DDX21: variants seen among roughly 807,000 people sequenced by gnomAD.
The protein encoded by DDX21 is nucleolar RNA helicase 2.
DDX21 carries 18 observed loss-of-function variants against 90.0 expected under a neutral mutation model. The observed-to-expected ratio is 0.20, with a 90% CI of 0.14 to 0.30. DDX21 has a LOEUF of 0.30. Ranked by LOEUF, DDX21 falls within the 10% of genes least tolerant of loss-of-function variation. DDX21 has a pLI of 1.00. For missense variants in DDX21, 673 were observed against 944.5 expected, an observed-to-expected ratio of 0.71 and a Z score of 3.77; for synonymous variants, 294 against 318.0, an observed-to-expected ratio of 0.92 and a Z score of 0.80.
chr10:68,972,014 C>T lies in DDX21; in HGVS notation c.1510C>T (p.Pro504Ser). The change falls in exon 9 of 15, where the codon CCT (proline) becomes TCT (serine). Residue 504 changes from proline to serine, a missense_variant. Physicochemically the swap from Pro to Ser is moderately conservative, Grantham distance 74. Transcript: ENST00000354185. ...TNVAARGLDI[P>S]EVDLVIQSSP... ...TGTTGCTGCACGTGGGTTAGACATC[C>T]CTGAGGTTGATTTGGTTATACAAAG... is the stretch of plus-strand genomic sequence containing the variant. 6.2e-7 allele frequency: 1 copy of T among 1,614,038 alleles called. No individual in the cohort carries two copies. The highest frequency in any genetic ancestry group is 8.5e-7 in the Non-Finnish European group (1 of 1,179,996).
At position 68,982,823 on chromosome 10, in the gene DDX21, A is replaced by G. The variant is rs1843213640; in HGVS notation, c.*11A>G. On this transcript the variant is annotated 3_prime_UTR_variant, in exon 15 of 15. Coordinates refer to ENST00000354185, the MANE Select transcript of DDX21 (RefSeq NM_004728.4). ...GCATTTGGTCAATAATTAGAAATAG[A>G]AGATTTATATAGCAAAAAGAGAATG... 1 of 1,613,208 alleles carries G rather than the reference A, an allele frequency of 6.2e-7. No individual in the cohort carries two copies. Among genetic ancestry groups the G allele is most frequent in the Non-Finnish European group, 8.5e-7 (1 of 1,179,606 alleles).
At chr10:68,973,696 T>A (rs756983425) in intron 10 of DDX21, 32 bp downstream of exon 10, 1 of 1,600,708 alleles carries the variant, frequency 6.2e-7, no homozygotes, top group Admixed American at 1.7e-5. Flanking sequence ...ATTAAGCAAA[T>A]GTTGAGTTCT....
intron 11 of DDX21, among the ~76,000 whole-genome samples, chr10:68,976,412 C>T (rs1008209904): frequency 1.3e-5 from 2 of 151,720 alleles, no homozygotes; most frequent in East Asian, 2.0e-4. Context: ...CTCAGCCTTC[C>T]GAGTAGCTGG....
chr10:68,983,794 T>C lies in DDX21; in HGVS notation c.*982T>C, dbSNP rs1843230253. The C allele has an allele frequency of 2.0e-5, 3 of 150,658 alleles. No individual in the cohort carries two copies. The South Asian group carries it at 6.3e-4, about 32-fold the overall frequency. 9.3% of individuals were successfully genotyped at this position (150,658 alleles called of 1,614,324 possible). ...ACTGGAAAGCAAAGAGAAGAACAAG[T>C]ATGATTTGGATGATAAAGCATTGTT... is the stretch of plus-strand genomic sequence containing the variant. On this transcript the variant is annotated 3_prime_UTR_variant, in exon 15 of 15. Transcript: ENST00000354185.
chr10:68,982,511 A>G (rs1390453322), intron 14 of DDX21, 32 bp from the exon 15 acceptor site: 2 of 1,578,700 alleles, frequency 1.3e-6, no homozygotes, highest in South Asian at 2.3e-5. Context: ...ATACTAATTA[A>G]AGCACACAAA....
chr10:68,978,693 C>T (rs181517124), intron 12 of DDX21, 149 bp from the exon 13 acceptor site: 5 of 1,006,106 alleles, frequency 5.0e-6, no homozygotes, highest in Admixed American at 3.0e-5. Context: ...CCAAGTAAAA[C>T]GAGGGACTGT....
intron 2 of DDX21, among the ~76,000 whole-genome samples, 191 bp from the exon 3 acceptor site, chr10:68,961,891 A>C (rs1842876432): frequency 6.6e-6 from 1 of 152,160 alleles, no homozygotes; most frequent in Admixed American, 6.5e-5. Flanking sequence ...AGTTTTATAG[A>C]TTTATGACAA....
rs776373179 is a variant in DDX21 at position 68,960,119 on chromosome 10, A to G, written c.401A>G (p.Lys134Arg). The change falls in exon 2 of 15, where the codon AAG (lysine) becomes AGG (arginine). Residue 134 changes from lysine to arginine, a missense_variant. Transcript: ENST00000354185. ...GATGCTCCTAAGCCCAAGAAGATGA[A>G]GAAAGAAAAGGAAATGAATGGAGAA... ...EIDAPKPKKM[K>R]KEKEMNGETR... 1.2e-5 allele frequency: 19 copies of G among 1,614,030 alleles called. No homozygotes were observed. The highest frequency in any genetic ancestry group is 1.3e-5 in the Non-Finnish European group (15 of 1,180,028).
rs764283234 is a variant in DDX21, at chr10:68,982,644, G to A, written c.2184G>A (p.Arg728=). 1.2e-6 allele frequency: 2 copies of A among 1,613,266 alleles called. No individual in the cohort carries two copies. Among genetic ancestry groups the A allele is most frequent in the South Asian group, 2.2e-5 (2 of 91,060 alleles). ...GATATGGAGGCTTCAGGGGACAGCGGGAAGGCAGTCGAGGCTTCAGGGGAC... is the reference window on the plus strand; with the variant it reads ...GATATGGAGGCTTCAGGGGACAGCGAGAAGGCAGTCGAGGCTTCAGGGGAC... ...REGYGGFRGQ[R]EGSRGFRGQR... is the part of the protein sequence containing the mutation. The change falls in exon 15 of 15, where the codon CGG becomes CGA. Residue 728 remains arginine (R), a synonymous_variant. Coordinates refer to ENST00000354185, the MANE Select transcript of DDX21 (RefSeq NM_004728.4).
intron 5 of DDX21, 39 bp downstream of exon 5, chr10:68,965,533 C>CCT: frequency 7.2e-7 from 1 of 1,396,240 alleles, no homozygotes; most frequent in Non-Finnish European, 1.0e-6. Flanking sequence ...ATAATGCCAC[C>CCT]CATTGTTGAC....
At chr10:68,957,209 C>G (rs77902788) in intron 1 of DDX21, among the ~76,000 whole-genome samples, 32 of 152,126 alleles carry the variant, frequency 2.1e-4, no homozygotes, top group Middle Eastern at 3.4e-3. Context: ...TCAGTTATTA[C>G]GAAAATCTGT....
rs190079101 is a variant in DDX21 at position 68,979,339 on chromosome 10, A to G, written c.2037+363A>G. 1.8e-3 allele frequency among the ~76,000 whole-genome samples: 276 copies of G among 152,280 alleles called. 3 individuals are homozygous for G. Among genetic ancestry groups the G allele is most frequent in the African/African-American group, 6.2e-3 (256 of 41,562 alleles). On this transcript the variant is annotated intron_variant, in intron 13 of 14. Coordinates refer to ENST00000354185, the MANE Select transcript of DDX21 (RefSeq NM_004728.4). ...TAAAAATGAAAAAATTTGCCTCCCA[A>G]ACCTGGTGTTCTTTCTTCTGAGGCC...
At position 68,983,004 on chromosome 10, in the gene DDX21, G is replaced by T; in HGVS notation, c.*192G>T. Reference sequence around the variant, plus strand: ...GATCATTATCATTTATAACTTTATTGTTACTTCTTCATCAGTTTTTCCTTT... The same window carrying T: ...GATCATTATCATTTATAACTTTATTTTTACTTCTTCATCAGTTTTTCCTTT... On this transcript the variant is annotated 3_prime_UTR_variant, in exon 15 of 15. Coordinates refer to ENST00000354185, the MANE Select transcript of DDX21 (RefSeq NM_004728.4). 1 of 696,388 alleles carries T rather than the reference G, an allele frequency of 1.4e-6. No individual in the cohort carries two copies. The highest frequency in any genetic ancestry group is 2.2e-6 in the Non-Finnish European group (1 of 453,442). 43.1% of individuals were successfully genotyped at this position (696,388 alleles called of 1,614,324 possible).
At chr10:68,970,818 A>G (rs977410878) in intron 8 of DDX21, among the ~76,000 whole-genome samples, 2 of 151,736 alleles carry the variant, frequency 1.3e-5, no homozygotes, top group Non-Finnish European at 2.9e-5. Flanking sequence ...ATGCCCAGCT[A>G]ATTTTTGTAT....
In DDX21 at chr10:68,974,683, A is replaced by G. The variant is rs1843070630; in HGVS notation, c.1682A>G (p.Lys561Arg). 6.2e-7 allele frequency: 1 copy of G among 1,613,918 alleles called. No homozygotes were observed. The highest frequency in any genetic ancestry group is 1.3e-5 in the African/African-American group (1 of 74,930). The change falls in exon 11 of 15, where the codon AAA (lysine) becomes AGA (arginine). Residue 561 changes from lysine to arginine, a missense_variant. Coordinates refer to ENST00000354185, the MANE Select transcript of DDX21 (RefSeq NM_004728.4). ...ATTTTCCTGTAGGGAATTAAGTTCA[A>G]ACGAATAGGTGTTCCTTCTGCAACA... is the stretch of plus-strand genomic sequence containing the variant. ...QVEQKAGIKF[K>R]RIGVPSATEI... is the part of the protein sequence containing the mutation.
rs578199269 is a variant in DDX21 at position 68,965,673 on chromosome 10, C to T, written c.904+179C>T. 2.6e-5 allele frequency among the ~76,000 whole-genome samples: 4 copies of T among 152,252 alleles called. No individual in the cohort carries two copies. In the East Asian group the frequency reaches 7.7e-4, roughly 29 times the overall value. ...GGTCCTGCTTGATGATAGGCAAATC[C>T]TGTATATCGTTCTTAGGACTTTTAT... is the stretch of plus-strand genomic sequence containing the variant. On this transcript the variant is annotated intron_variant, in intron 5 of 14. Coordinates refer to ENST00000354185, the MANE Select transcript of DDX21 (RefSeq NM_004728.4).
Position 68,982,747 on chromosome 10 carries a change from A to C in DDX21, c.2287A>C (p.Asn763His). 6.2e-7 allele frequency: 1 copy of C among 1,614,226 alleles called. No individual in the cohort carries two copies. ...GAGAGGACAGCGATCAGGAGGTGGCAACAAAAGTAACAGATCCCAAAACAA... is the reference window on the plus strand; with the variant it reads ...GAGAGGACAGCGATCAGGAGGTGGCCACAAAAGTAACAGATCCCAAAACAA... The part of the protein sequence containing the change: ...GPRGQRSGGG[N>H]KSNRSQNKGQ... Residue 763 changes from asparagine (N) to histidine (H), a missense_variant, in exon 15 of 15, where the codon AAC (asparagine) becomes CAC (histidine). Asn to His is a moderately conservative substitution (Grantham distance 68). Transcript: ENST00000354185.
chr10:68,974,730 A>G lies in DDX21; in HGVS notation c.1729A>G (p.Lys577Glu). 1.2e-6 allele frequency: 2 copies of G among 1,613,968 alleles called. No individual in the cohort carries two copies. The highest frequency in any genetic ancestry group is 2.2e-5 in the East Asian group (1 of 44,864). ...SATEIIKASS[K>E]DAIRLLDSVP... ...AACAGAAATAATAAAAGCTTCCAGCAAAGATGCCATCAGGTATGTTCCCTA... is the reference window on the plus strand; with the variant it reads ...AACAGAAATAATAAAAGCTTCCAGCGAAGATGCCATCAGGTATGTTCCCTA... The change falls in exon 11 of 15, where the codon AAA (lysine) becomes GAA (glutamate). Residue 577 changes from lysine to glutamate, a missense_variant. Transcript: ENST00000354185.
At chr10:68,966,442 A>T (rs1344723150) in intron 5 of DDX21, among the ~76,000 whole-genome samples, 1 of 149,680 alleles carries the variant, frequency 6.7e-6, no homozygotes, top group Non-Finnish European at 1.5e-5. Flanking sequence ...TTTTTCATTT[A>T]TTTATTTATT....
Sources: allele counts gnomAD v4.1 joint callset (sites outside exome capture counted in the v4.1 genomes callset), GRCh38; gene constraint gnomAD v4.1.1; transcripts MANE v1.5; gene names NCBI Gene and HGNC (gene_info 2026-07-23, HGNC 2026-07-21).